The following CUX2 variants were observed in gnomAD, a reference collection of about 807,000 sequenced individuals.
CUX2 encodes the protein cut like homeobox 2, also known as homeobox protein cut-like 2.
In CUX2, 40 loss-of-function variants were observed where a neutral mutation model predicts 144.8. The observed-to-expected ratio is 0.28, with a 90% CI of 0.21 to 0.36. The LOEUF is 0.36. CUX2 is among the 10% of genes least tolerant of loss of function. The pLI is 1.00. For synonymous variants in CUX2, 827 were observed against 875.6 expected (o/e 0.94, Z 0.98); for missense variants, 1,615 against 1,994.0 (o/e 0.81, Z 3.62).
chr12:111,278,683 T>G (rs748378935), intron 4 of CUX2, among the ~76,000 whole-genome samples: 30 of 152,198 alleles, frequency 2.0e-4, no homozygotes, highest in Non-Finnish European at 3.7e-4. Context: ...AAGATTCCCT[T>G]GGTGTTCCAT....
intron 18 of CUX2, among the ~76,000 whole-genome samples, chr12:111,331,595 C>T (rs1191946404): frequency 6.6e-6 from 1 of 151,736 alleles, no homozygotes; most frequent in East Asian, 1.9e-4. Flanking sequence ...GGAGGTGGAC[C>T]CTTGCCCCAC....
intron 1 of CUX2, among the ~76,000 whole-genome samples, chr12:111,152,885 A>G (rs1452980603): frequency 6.6e-6 from 1 of 152,214 alleles, no homozygotes; most frequent in Non-Finnish European, 1.5e-5. Flanking sequence ...ATCTCCAGAA[A>G]CATAAAGAAG....
intron 18 of CUX2, among the ~76,000 whole-genome samples, chr12:111,326,897 T>C (rs1393377345): frequency 1.3e-5 from 2 of 152,186 alleles, no homozygotes; most frequent in African/African-American, 2.4e-5. Flanking sequence ...AGTGAGACTC[T>C]GTCTCAAACA....
At chr12:111,262,545 A>AT (rs1400363799) in intron 3 of CUX2, among the ~76,000 whole-genome samples, 1 of 151,826 alleles carries the variant, frequency 6.6e-6, no homozygotes, top group African/African-American at 2.4e-5. Context: ...TGCCTGGCTA[A>AT]TTTTTTTATC....
chr12:111,317,007 T>C (rs2136390596), intron 16 of CUX2, among the ~76,000 whole-genome samples: 1 of 152,342 alleles, frequency 6.6e-6, no homozygotes, highest in Admixed American at 6.5e-5. Flanking sequence ...GTCTGGCCTC[T>C]TTCACTCAGC....
chr12:111,060,573 T>C (rs1258338808), intron 1 of CUX2, among the ~76,000 whole-genome samples: 2 of 152,232 alleles, frequency 1.3e-5, no homozygotes, highest in Non-Finnish European at 2.9e-5. Flanking sequence ...TTGGCACATA[T>C]TAGAGGCTCA....
chr12:111,220,830 G>A (rs1206359457), intron 3 of CUX2, among the ~76,000 whole-genome samples: 1 of 148,754 alleles, frequency 6.7e-6, no homozygotes, highest in Non-Finnish European at 1.5e-5. Context: ...CAGCTACTCA[G>A]GAGGCTGAGG....
intron 1 of CUX2, among the ~76,000 whole-genome samples, chr12:111,070,096 A>G (rs1458123814): frequency 6.6e-6 from 1 of 152,126 alleles, no homozygotes; most frequent in African/African-American, 2.4e-5. Flanking sequence ...ACACACCTCC[A>G]TGCTCTGCCT....
intron 1 of CUX2, among the ~76,000 whole-genome samples, chr12:111,126,229 C>T (rs907458902): frequency 6.6e-6 from 1 of 151,904 alleles, no homozygotes; most frequent in Non-Finnish European, 1.5e-5. Context: ...CTGCCTCAGT[C>T]TCCCTAGTAG....
intron 16 of CUX2, among the ~76,000 whole-genome samples, chr12:111,318,113 G>C (rs936717431): frequency 6.6e-6 from 1 of 151,918 alleles, no homozygotes; most frequent in Non-Finnish European, 1.5e-5. Context: ...TCACTCTGTT[G>C]CCCAGGCTGG....
intron 16 of CUX2, among the ~76,000 whole-genome samples, chr12:111,314,639 T>TAAAAAAAAAAAAAAAAAAAAA (rs954472479): frequency 3.0e-4 from 7 of 23,232 alleles, no homozygotes; most frequent in African/African-American, 1.1e-3. Context: ...AAACTCAGTC[T>TAAAAAAAAAAAAAAAAAAAAA]AAAAAAAAAA....
At chr12:111,049,474 G>A (rs1294910991) in intron 1 of CUX2, among the ~76,000 whole-genome samples, 1 of 152,232 alleles carries the variant, frequency 6.6e-6, no homozygotes, top group South Asian at 2.1e-4. Flanking sequence ...CAACTGTAGT[G>A]AAATAACCCC....
At position 111,219,040 on chromosome 12, in the gene CUX2, A is replaced by G. The variant is rs1032028632; in HGVS notation, c.222+1103A>G. Among the ~76,000 whole-genome samples the G allele has an allele frequency of 3.9e-5, 6 of 152,018 alleles. No individual in the cohort carries two copies. The South Asian group carries it at 1.0e-3, about 26-fold the overall frequency. On this transcript the variant is annotated intron_variant, in intron 3 of 21. Transcript: ENST00000261726. ...TCAGGCTTCCCTGGACTCAGGCAGG[A>G]CCCCAGAAGGATTGGCCGTACTCGG...
intron 1 of CUX2, among the ~76,000 whole-genome samples, chr12:111,170,962 G>A (rs1320124166): frequency 9.2e-5 from 14 of 152,104 alleles, no homozygotes; most frequent in Admixed American, 2.0e-4. Flanking sequence ...GTCTGGCATC[G>A]GCAATTCTGG....
chr12:111,164,154 C>T (rs1447089916), intron 1 of CUX2, among the ~76,000 whole-genome samples: 1 of 152,154 alleles, frequency 6.6e-6, no homozygotes, highest in Non-Finnish European at 1.5e-5. Context: ...AACTCACAGA[C>T]TCTCTGGGGG....
At chr12:111,347,399 A>G in intron 21 of CUX2, 125 bp from the exon 22 acceptor site, 1 of 812,346 alleles carries the variant, frequency 1.2e-6, no homozygotes, top group Non-Finnish European at 2.0e-6. Context: ...TGGTGCAAGT[A>G]TGGAGGCTTA....
chr12:111,054,338 G>A (rs1360637483), intron 1 of CUX2, among the ~76,000 whole-genome samples: 2 of 152,004 alleles, frequency 1.3e-5, no homozygotes, highest in African/African-American at 2.4e-5. Context: ...TCATATAAGC[G>A]TGTGAGTTAT....
intron 3 of CUX2, among the ~76,000 whole-genome samples, chr12:111,218,249 C>G (rs1331389024): frequency 1.3e-5 from 2 of 152,194 alleles, no homozygotes; most frequent in Admixed American, 6.5e-5. Context: ...CACAGTGGCT[C>G]ACACCTGTAA....
chr12:111,100,485 C>T (rs928799632), intron 1 of CUX2, among the ~76,000 whole-genome samples: 4 of 151,696 alleles, frequency 2.6e-5, no homozygotes, highest in African/African-American at 9.7e-5. Context: ...TCTGTTTGTG[C>T]GGATGTGTGT....
Sources: allele counts gnomAD v4.1 joint callset (sites outside exome capture counted in the v4.1 genomes callset), GRCh38; gene constraint gnomAD v4.1.1; transcripts MANE v1.5; gene names NCBI Gene and HGNC (gene_info 2026-07-23, HGNC 2026-07-21).